Variants in DPH6 observed in about 807,000 individuals in gnomAD.
DPH6 encodes the protein diphthamine biosynthesis 6, also known as diphthine--ammonia ligase.
DPH6 carries 33 observed loss-of-function variants against 38.2 expected under a neutral mutation model. That is an observed-to-expected ratio of 0.86 (90% CI 0.65 to 1.15). The LOEUF is 1.15. Among genes scored for constraint, DPH6 ranks in the 50% most tolerant of loss-of-function variants. The pLI, the probability that DPH6 is intolerant of heterozygous loss-of-function variation, is 0.00. For missense variants in DPH6, 325 were observed against 320.0 expected (o/e 1.02, Z -0.12); for synonymous variants, 108 against 103.0 (o/e 1.05, Z -0.30).
chr15:35,402,421 G>T (rs757511357), intron 6 of DPH6, among the ~76,000 whole-genome samples: 4 of 152,104 alleles, frequency 2.6e-5, no homozygotes, highest in Non-Finnish European at 5.9e-5. Flanking sequence ...TTATAGATGG[G>T]ACTGAAGCTT....
At chr15:35,228,674 T>G (rs2051498434) in intron 3 of DPH6, among the ~76,000 whole-genome samples, 1 of 152,310 alleles carries the variant, frequency 6.6e-6, no homozygotes, top group South Asian at 2.1e-4. Context: ...AGATAATTTC[T>G]TATTGCTCAT....
At chr15:35,244,531 T>A (rs318337) in intron 3 of DPH6, among the ~76,000 whole-genome samples, 83,900 of 152,148 alleles carry the variant, frequency 0.55, 26,715 homozygotes, top group Non-Finnish European at 0.73. Context: ...GATGCATTTA[T>A]GCATCCATTA....
intron 3 of DPH6, chr15:35,299,492 G>C (rs1048369817): frequency 4.1e-6 from 3 of 740,676 alleles, no homozygotes; most frequent in Non-Finnish European, 7.5e-6. Flanking sequence ...CATGGGCCGC[G>C]GTGGCGGCAG....
At chr15:35,323,448 A>G (rs182319997) in intron 3 of DPH6, among the ~76,000 whole-genome samples, 1 of 152,274 alleles carries the variant, frequency 6.6e-6, no homozygotes, top group East Asian at 1.9e-4. Flanking sequence ...TACAGAGTGA[A>G]CACAGGATGT....
At chr15:35,428,033 G>A (rs1566906015) in intron 5 of DPH6, among the ~76,000 whole-genome samples, 2 of 152,078 alleles carry the variant, frequency 1.3e-5, no homozygotes, top group East Asian at 3.9e-4. Context: ...AGTAGACCAG[G>A]AGGCAATGGC....
chr15:35,357,088 C>T (rs370776686), intron 3 of DPH6, among the ~76,000 whole-genome samples: 1 of 152,208 alleles, frequency 6.6e-6, no homozygotes, highest in Admixed American at 6.5e-5. Flanking sequence ...TAGCCATGTG[C>T]GGGATATAAT....
At chr15:35,153,522 C>G in the DPH6 span, among the ~76,000 whole-genome samples, 11 of 152,224 alleles carry the variant, frequency 7.2e-5, no homozygotes, top group African/African-American at 2.6e-4. Context: ...GAACTTAGGC[C>G]TCTACATTGT....
intron 3 of DPH6, among the ~76,000 whole-genome samples, chr15:35,325,791 AAAC>A (rs1339805134): frequency 1.3e-5 from 2 of 152,214 alleles, no homozygotes; most frequent in African/African-American, 2.4e-5. Context: ...GTGAAAAGTC[AAAC>A]AACAGAATGG....
intron 3 of DPH6, among the ~76,000 whole-genome samples, chr15:35,501,121 T>G (rs937168042): frequency 2.0e-5 from 3 of 152,228 alleles, no homozygotes; most frequent in African/African-American, 7.2e-5. Context: ...AGATTGTTCA[T>G]TTACTTCTTC....
intron 3 of DPH6, among the ~76,000 whole-genome samples, chr15:35,503,435 C>G (rs1314016940): frequency 6.6e-6 from 1 of 152,078 alleles, no homozygotes; most frequent in Non-Finnish European, 1.5e-5. Context: ...AAATTCTCCT[C>G]AAAGCACTTC....
intron 6 of DPH6, chr15:35,401,647 T>C: frequency 1.3e-6 from 1 of 753,066 alleles, no homozygotes; most frequent in Non-Finnish European, 2.4e-6. Flanking sequence ...GTAGGAAACT[T>C]TGGAGGCAGA....
At chr15:35,473,951 TGTGTGTGCGCGCGCGCGC>T (rs2054231966) in intron 3 of DPH6, among the ~76,000 whole-genome samples, 1 of 28,044 alleles carries the variant, frequency 3.6e-5, no homozygotes, top group African/African-American at 5.1e-5. Context: ...TGTGTGTGTG[TGTGTGTGCGCGCGCGCGC>T]GTGAGCTTTT....
intron 3 of DPH6, among the ~76,000 whole-genome samples, chr15:35,271,410 AC>A (rs1011089360): frequency 1.1e-4 from 16 of 152,240 alleles, no homozygotes; most frequent in African/African-American, 3.9e-4. Flanking sequence ...GAAGAAAAAA[AC>A]ATTTGATAAA....
At chr15:35,524,695 G>A (rs986484794) in intron 3 of DPH6, among the ~76,000 whole-genome samples, 2 of 152,184 alleles carry the variant, frequency 1.3e-5, no homozygotes, top group South Asian at 2.1e-4. Flanking sequence ...GAATATATGT[G>A]TATAGAGCTT....
intron 3 of DPH6, among the ~76,000 whole-genome samples, chr15:35,308,114 T>C (rs892409345): frequency 6.6e-6 from 1 of 151,760 alleles, no homozygotes; most frequent in Non-Finnish European, 1.5e-5. Flanking sequence ...ACAAAAAATA[T>C]AAAAATTAGC....
At chr15:35,285,892 C>CTTTTTTTTTTT (rs2051940700) in intron 3 of DPH6, among the ~76,000 whole-genome samples, 2 of 4,192 alleles carry the variant, frequency 4.8e-4, no homozygotes, top group South Asian at 0.013. Flanking sequence ...TTTTTTTTAC[C>CTTTTTTTTTTT]TGAGACCACT....
the DPH6 span, among the ~76,000 whole-genome samples, chr15:35,209,245 G>T: frequency 5.3e-5 from 8 of 152,066 alleles, no homozygotes; most frequent in East Asian, 1.5e-3. Flanking sequence ...TGATGGTATT[G>T]CTAATGTAGT....
At chr15:35,305,162 C>T (rs542860889) in intron 3 of DPH6, among the ~76,000 whole-genome samples, 10 of 152,192 alleles carry the variant, frequency 6.6e-5, no homozygotes, top group African/African-American at 2.4e-4. Flanking sequence ...CTTGTTGTCT[C>T]AAGTCAGGTA....
chr15:35,377,459 GAAGA>G (rs1378282724), intron 7 of DPH6, among the ~76,000 whole-genome samples: 2 of 152,076 alleles, frequency 1.3e-5, no homozygotes, highest in African/African-American at 2.4e-5. Context: ...ATGTATACAT[GAAGA>G]GAGAGAAGAA....
Sources: gnomAD v4.1 joint callset for allele counts (sites outside exome capture counted in the v4.1 genomes callset) on GRCh38, gnomAD v4.1.1 for gene constraint, MANE v1.5 for transcripts, NCBI Gene and HGNC (gene_info 2026-07-23, HGNC 2026-07-21) for gene names.